Variants in RNF2 observed in about 807,000 individuals in gnomAD.
The protein encoded by RNF2 is E3 ubiquitin-protein ligase RING2.
RNF2 carries 6 observed loss-of-function variants against 37.2 expected under a neutral mutation model. The ratio of observed to expected loss-of-function variants is 0.16; its 90% CI spans 0.09 to 0.32. RNF2 has a LOEUF of 0.32. Among genes scored for constraint, RNF2 ranks in the 10% least tolerant of loss-of-function variants. The probability of loss-of-function intolerance (pLI) is 1.00; values close to 1 mark genes in which losing one functional copy is unlikely to be tolerated. For synonymous variants in RNF2, 133 were observed against 132.7 expected (o/e 1.00, Z -0.02); for missense variants, 251 against 404.0 (o/e 0.62, Z 3.25).
At chr1:185,095,404 C>G (rs1651884318) in intron 4 of RNF2, among the ~76,000 whole-genome samples, 1 of 152,186 alleles carries the variant, frequency 6.6e-6, no homozygotes, top group Non-Finnish European at 1.5e-5. Context: ...GAACCTTCTT[C>G]CAAATAATCC....
chr1:185,064,714 C>T (rs1650748492), intron 1 of RNF2, among the ~76,000 whole-genome samples: 1 of 152,196 alleles, frequency 6.6e-6, no homozygotes, highest in Admixed American at 6.5e-5. Context: ...AATCCATGAA[C>T]ATGGGATGTC....
rs71101959 is a variant in RNF2, at chr1:185,076,268, G to GTTTTTTTTTTTTTT, written c.-2-11257_-2-11244dup. On this transcript the variant is annotated intron_variant, in intron 1 of 6. Transcript: ENST00000367510. ...TTTTCTTCTAGATCTTTTATGGGTTGTTTTTTTTTTTTTTTTTTTTTTTTT... is the reference window on the plus strand; with the variant it reads ...TTTTCTTCTAGATCTTTTATGGGTTGTTTTTTTTTTTTTTTTTTTTTTTTTTTTTTTTTTTTTTT... 2.2e-3 allele frequency among the ~76,000 whole-genome samples: 59 copies of GTTTTTTTTTTTTTT among 27,346 alleles called. 22 individuals carry two copies. The highest frequency in any genetic ancestry group is 3.3e-3 in the Non-Finnish European group (44 of 13,184). 17.9% of individuals were successfully genotyped at this position (27,346 alleles called of 152,430 possible). A position where few individuals can be genotyped will look rare whatever the true frequency, so the allele number is the denominator to read the frequency against.
chr1:185,085,121 C>T (rs1170614240), intron 1 of RNF2, among the ~76,000 whole-genome samples: 1 of 149,268 alleles, frequency 6.7e-6, no homozygotes, highest in African/African-American at 2.5e-5. Flanking sequence ...TTCTCAGAGC[C>T]ATATTTGACC....
intron 1 of RNF2, among the ~76,000 whole-genome samples, chr1:185,052,940 T>C (rs1392226734): frequency 5.9e-5 from 9 of 152,234 alleles, no homozygotes; most frequent in Admixed American, 6.5e-5. Flanking sequence ...GGCACTGTTA[T>C]AGGTACTTTA....
chr1:185,053,340 C>CTT (rs796310068), intron 1 of RNF2, among the ~76,000 whole-genome samples: 9 of 143,798 alleles, frequency 6.3e-5, no homozygotes, highest in African/African-American at 2.0e-4. Context: ...TTTTCTTTTT[C>CTT]TTTTTTTTTT....
At chr1:185,078,029 T>C (rs775036470) in intron 1 of RNF2, among the ~76,000 whole-genome samples, 20 of 152,300 alleles carry the variant, frequency 1.3e-4, no homozygotes, top group Non-Finnish European at 2.2e-4. Context: ...GCGGATCACC[T>C]GAGGTTTGAG....
intron 1 of RNF2, among the ~76,000 whole-genome samples, chr1:185,084,922 A>G (rs2102191139): frequency 6.6e-6 from 1 of 152,238 alleles, no homozygotes; most frequent in South Asian, 2.1e-4. Flanking sequence ...CGTTAGCTCC[A>G]GAGTACAGGA....
intron 1 of RNF2, among the ~76,000 whole-genome samples, chr1:185,070,804 A>T (rs1012645093): frequency 5.3e-5 from 8 of 151,556 alleles, no homozygotes; most frequent in African/African-American, 1.9e-4. Flanking sequence ...TCGCCGGCTC[A>T]TTTTTTTATT....
intron 3 of RNF2, 118 bp downstream of exon 3, chr1:185,091,857 C>T: frequency 1.9e-6 from 2 of 1,040,928 alleles, no homozygotes; most frequent in Non-Finnish European, 2.7e-6. Flanking sequence ...CTTTTCTTGC[C>T]CAGGCTGGAG....
intron 1 of RNF2, among the ~76,000 whole-genome samples, chr1:185,056,505 T>C (rs1650439153): frequency 6.6e-6 from 1 of 152,022 alleles, no homozygotes; most frequent in Admixed American, 6.6e-5. Flanking sequence ...ACTATAGGTG[T>C]CTACCATCAC....
chr1:185,048,051 G>A (rs1448254947), intron 1 of RNF2, among the ~76,000 whole-genome samples: 1 of 152,020 alleles, frequency 6.6e-6, no homozygotes, highest in African/African-American at 2.4e-5. Context: ...TTTGCCTACT[G>A]GTCTTCTACC....
chr1:185,084,857 G>T (rs1055248171), intron 1 of RNF2, among the ~76,000 whole-genome samples: 9 of 152,178 alleles, frequency 5.9e-5, no homozygotes, highest in African/African-American at 2.2e-4. Flanking sequence ...CTTATAAAAT[G>T]GTGGCTGGGG....
chr1:185,058,869 G>C (rs1650515820), intron 1 of RNF2, among the ~76,000 whole-genome samples: 2 of 152,152 alleles, frequency 1.3e-5, no homozygotes, highest in Non-Finnish European at 2.9e-5. Context: ...AGATAAAGAG[G>C]TTTAGGTCTG....
rs1651970783 is a variant in RNF2, at chr1:185,098,276, T to A, written c.669T>A (p.Ala223=). Residue 223 remains alanine (A), a synonymous_variant, in exon 5 of 7, where the codon GCT becomes GCA. Coordinates refer to ENST00000367510, the MANE Select transcript of RNF2 (RefSeq NM_007212.4). ...CAATTGATCCAGTAATGGATGGTGC[T>A]AGTGAAATTGAATTAGTATTCAGGC... ...AMAIDPVMDG[A]SEIELVFRPH... 1.2e-6 allele frequency: 2 copies of A among 1,614,148 alleles called. No individual in the cohort carries two copies. Among genetic ancestry groups the A allele is most frequent in the Non-Finnish European group, 8.5e-7 (1 of 1,179,990 alleles).
At chr1:185,083,732 A>T (rs1409874748) in intron 1 of RNF2, among the ~76,000 whole-genome samples, 1 of 142,340 alleles carries the variant, frequency 7.0e-6, no homozygotes, top group African/African-American at 2.6e-5. Context: ...CAGCCTCCTG[A>T]GTAGCTGGGA....
chr1:185,059,688 G>A (rs983269703), intron 1 of RNF2, among the ~76,000 whole-genome samples: 1 of 152,114 alleles, frequency 6.6e-6, no homozygotes, highest in Non-Finnish European at 1.5e-5. Context: ...TCAGACCTGG[G>A]TTTGAGTCTT....
In RNF2 at chr1:185,080,392, T is replaced by G. The variant is rs144496938; in HGVS notation, c.-2-7160T>G. ...AGATTAAATCGATTTTGGGGCAGGG[T>G]GAATTTAGATTAAATTTAAATGAAG... is the stretch of plus-strand genomic sequence containing the variant. On this transcript the variant is annotated intron_variant, in intron 1 of 6. Transcript: ENST00000367510. 2.0e-4 allele frequency among the ~76,000 whole-genome samples: 31 copies of G among 152,264 alleles called. No individual in the cohort carries two copies. The East Asian group carries it at 6.0e-3, about 29-fold the overall frequency.
chr1:185,094,564 T>C (rs1360097793), intron 4 of RNF2, among the ~76,000 whole-genome samples: 1 of 152,192 alleles, frequency 6.6e-6, no homozygotes, highest in Admixed American at 6.5e-5. Context: ...TCATTTGATG[T>C]ATTGAAGTAA....
chr1:185,076,114 ATTG>A lies in RNF2; in HGVS notation c.-2-11435_-2-11433del, dbSNP rs145032432. 2.3e-3 allele frequency among the ~76,000 whole-genome samples: 346 copies of A among 150,838 alleles called. 2 individuals are homozygous for A. The highest frequency in any genetic ancestry group is 8.1e-3 in the African/African-American group (332 of 41,104). On this transcript the variant is annotated intron_variant, in intron 1 of 6. Coordinates refer to ENST00000367510, the MANE Select transcript of RNF2 (RefSeq NM_007212.4). ...TGTTGCACATATTTTTTTCCTAGCT[ATTG>A]TTTATCTTTTAAATTTGCTCATGGT...
Sources: allele counts gnomAD v4.1 joint callset (sites outside exome capture counted in the v4.1 genomes callset), GRCh38; gene constraint gnomAD v4.1.1; transcripts MANE v1.5; gene names NCBI Gene and HGNC (gene_info 2026-07-23, HGNC 2026-07-21).